Variants in DOCK8 observed in about 807,000 individuals in gnomAD.
DOCK8 encodes the protein dedicator of cytokinesis 8.
A neutral mutation model predicts 245.6 loss-of-function variants in DOCK8; 141 were observed. The ratio of observed to expected loss-of-function variants is 0.57; its 90% CI spans 0.50 to 0.66. The LOEUF (loss-of-function observed/expected upper bound fraction) is 0.66. Among genes scored for constraint, DOCK8 ranks in the 30% least tolerant of loss-of-function variants. The probability of loss-of-function intolerance (pLI) is 0.00; values close to 1 mark genes in which losing one functional copy is unlikely to be tolerated. For missense variants in DOCK8, 2,965 were observed against 2,603.4 expected, an observed-to-expected ratio of 1.14 and a Z score of -3.02; for synonymous variants, 1,168 against 970.2, an observed-to-expected ratio of 1.20 and a Z score of -3.79.
At chr9:462,394 C>T (rs1007731326) in intron 46 of DOCK8, among the ~76,000 whole-genome samples, 3 of 152,146 alleles carry the variant, frequency 2.0e-5, no homozygotes, top group East Asian at 1.9e-4. Context: ...CATAAATGGC[C>T]CTAAGCTGAT....
intron 30 of DOCK8, among the ~76,000 whole-genome samples, chr9:419,278 A>G (rs1225212956): frequency 6.6e-6 from 1 of 152,234 alleles, no homozygotes; most frequent in Non-Finnish European, 1.5e-5. Flanking sequence ...CTCCATCACC[A>G]TGAGGATTGG....
intron 7 of DOCK8, among the ~76,000 whole-genome samples, chr9:318,618 G>T (rs998078610): frequency 1.3e-5 from 2 of 152,194 alleles, no homozygotes; most frequent in Non-Finnish European, 2.9e-5. Context: ...GGTCTTCAGG[G>T]CCTTTTGTAC....
intron 44 of DOCK8, among the ~76,000 whole-genome samples, chr9:448,102 C>G (rs759246692): frequency 1.8e-4 from 28 of 151,582 alleles, no homozygotes; most frequent in Middle Eastern, 3.2e-3. Flanking sequence ...CTCTTTCTCT[C>G]TTTTTCATTT....
intron 24 of DOCK8, among the ~76,000 whole-genome samples, chr9:394,473 C>T (rs915555777): frequency 1.3e-5 from 2 of 152,214 alleles, no homozygotes; most frequent in African/African-American, 4.8e-5. Flanking sequence ...CAACAGCTTC[C>T]TTGGCCTTAG....
Position 449,927 on chromosome 9 carries a change from G to A in DOCK8, c.5961G>A (p.Gln1987=). Residue 1987 remains glutamine, a splice_region_variant and synonymous_variant, in exon 45 of 48, where the codon CAG becomes CAA. Transcript: ENST00000432829. Reference sequence around the variant, plus strand: ...GCTCTGTGGGAGCTACTGTAAATCAGGTAAGCAAAACCAGAGGTGGCAGCT... The same window carrying A: ...GCTCTGTGGGAGCTACTGTAAATCAAGTAAGCAAAACCAGAGGTGGCAGCT... ...LQGSVGATVN[Q]GPLEVAQVFL... 1 of 1,613,754 alleles carries A rather than the reference G, an allele frequency of 6.2e-7. No individual in the cohort carries two copies. The highest frequency in any genetic ancestry group is 8.5e-7 in the Non-Finnish European group (1 of 1,179,990).
At chr9:287,710 A>AT (rs1586604232) in intron 3 of DOCK8, among the ~76,000 whole-genome samples, 2 of 152,318 alleles carry the variant, frequency 1.3e-5, no homozygotes, top group East Asian at 3.9e-4. Context: ...AAACATTGTC[A>AT]TTTTTGGGAA....
intron 9 of DOCK8, among the ~76,000 whole-genome samples, chr9:330,347 T>C (rs1344929534): frequency 6.6e-6 from 1 of 152,166 alleles, no homozygotes; most frequent in Non-Finnish European, 1.5e-5. Flanking sequence ...TATCCTTATG[T>C]AAGGGCCACA....
intron 28 of DOCK8, among the ~76,000 whole-genome samples, chr9:409,795 G>A (rs943975659): frequency 3.3e-5 from 5 of 151,838 alleles, no homozygotes; most frequent in African/African-American, 1.2e-4. Flanking sequence ...AACATGCGGT[G>A]TTTGGTTTTC....
chr9:250,618 T>C (rs1300152052), intron 1 of DOCK8, among the ~76,000 whole-genome samples: 2 of 152,146 alleles, frequency 1.3e-5, no homozygotes, highest in African/African-American at 4.8e-5. Context: ...AAATTTATCA[T>C]AGTACTATCA....
chr9:244,772 C>G (rs1000894998), intron 1 of DOCK8, among the ~76,000 whole-genome samples: 1 of 151,690 alleles, frequency 6.6e-6, no homozygotes, highest in Non-Finnish European at 1.5e-5. Flanking sequence ...GTTTGAAGCT[C>G]AAAACTGCTG....
intron 14 of DOCK8, chr9:366,368 A>G (rs1368620662): frequency 6.6e-6 from 1 of 152,192 alleles, no homozygotes; most frequent in African/African-American, 2.4e-5. Context: ...TAGGAATACT[A>G]TTTATTTGCC....
intron 2 of DOCK8, among the ~76,000 whole-genome samples, chr9:280,381 G>A (rs143377259): frequency 7.9e-5 from 12 of 152,302 alleles, no homozygotes; most frequent in South Asian, 2.1e-4. Context: ...GAAAGGAGGC[G>A]TATCAGTCAG....
chr9:390,829 G>T (rs1039059548), intron 24 of DOCK8, among the ~76,000 whole-genome samples: 2 of 151,898 alleles, frequency 1.3e-5, no homozygotes, highest in South Asian at 2.1e-4. Context: ...TGTGCCTCTC[G>T]CAGTGACATC....
At chr9:420,682 T>C (rs2056240475) in intron 31 of DOCK8, 99 bp downstream of exon 31, 4 of 1,472,638 alleles carry the variant, frequency 2.7e-6, no homozygotes, top group South Asian at 1.1e-5. Flanking sequence ...GAGGCATCAT[T>C]AATTTTTCTC....
intron 1 of DOCK8, chr9:215,565 A>G (rs965553424): frequency 1.5e-4 from 141 of 939,622 alleles, no homozygotes; most frequent in Non-Finnish European, 2.0e-4. Flanking sequence ...TGGCATCGCT[A>G]TTTTTATACC....
intron 26 of DOCK8, among the ~76,000 whole-genome samples, chr9:400,222 ACCACCT>A (rs2054787615): frequency 9.5e-6 from 1 of 105,456 alleles, no homozygotes; most frequent in Non-Finnish European, 2.1e-5. Flanking sequence ...CACTATCACC[ACCACCT>A]CCACCATCAC....
chr9:263,748 A>T (rs1256029774), intron 1 of DOCK8, among the ~76,000 whole-genome samples: 1 of 152,182 alleles, frequency 6.6e-6, no homozygotes. Flanking sequence ...TAGTTATTTT[A>T]TTTCAGCACT....
At chr9:353,622 C>T (rs767244513) in intron 14 of DOCK8, among the ~76,000 whole-genome samples, 2 of 152,094 alleles carry the variant, frequency 1.3e-5, no homozygotes, top group Non-Finnish European at 2.9e-5. Context: ...GTTAAAGGAA[C>T]ATGCAGGTTG....
At chr9:369,104 T>C (rs1238431462) in intron 15 of DOCK8, 2 of 152,028 alleles carry the variant, frequency 1.3e-5, no homozygotes, top group African/African-American at 4.8e-5. Context: ...CTGCACGCAG[T>C]TAATATACCT....
Sources: gnomAD v4.1 joint callset for allele counts (sites outside exome capture counted in the v4.1 genomes callset) on GRCh38, gnomAD v4.1.1 for gene constraint, MANE v1.5 for transcripts, NCBI Gene and HGNC (gene_info 2026-07-23, HGNC 2026-07-21) for gene names.